HACD1: variants seen among roughly 807,000 people sequenced by gnomAD.
HACD1 encodes the protein very-long-chain (3R)-3-hydroxyacyl-CoA dehydratase 1.
Under a neutral mutation model 32.0 loss-of-function variants are expected in HACD1, and 41 were observed. The observed-to-expected ratio is 1.28, with a 90% CI of 1.00 to 1.66. The LOEUF is 1.66. Ranked by LOEUF, HACD1 falls within the 40% of genes most tolerant of loss-of-function variation. The pLI is 0.00. For synonymous variants in HACD1, 142 were observed against 139.0 expected (o/e 1.02, Z -0.15); for missense variants, 396 against 380.1 (o/e 1.04, Z -0.35).
chr10:17,602,081 T>C (rs1564507698), intron 4 of HACD1, among the ~76,000 whole-genome samples: 1 of 151,490 alleles, frequency 6.6e-6, no homozygotes, highest in Non-Finnish European at 1.5e-5. Flanking sequence ...AATTTTTTTT[T>C]TTTTTTGAGA....
chr10:17,603,524 G>T, intron 4 of HACD1, 36 bp downstream of exon 4: 2 of 1,509,562 alleles, frequency 1.3e-6, no homozygotes, highest in Non-Finnish European at 1.8e-6. Context: ...AAGCTTTCCT[G>T]CAGGCTCAAG....
intron 1 of HACD1, among the ~76,000 whole-genome samples, chr10:17,607,504 C>A (rs562165357): frequency 6.6e-6 from 1 of 152,162 alleles, no homozygotes; most frequent in Non-Finnish European, 1.5e-5. Flanking sequence ...TCACATTTTC[C>A]ATACACTTGT....
At position 17,590,444 on chromosome 10, in the gene HACD1, A is replaced by G; in HGVS notation, c.787T>C (p.Phe263Leu). ...LITMASYIPL[F>L]PQLYFHMLRQ... ...AACATATGAAAATAGAGTTGTGGAA[A>G]CACTTCATTGAAAAAGAAAACAAAG... The change falls in exon 7 of 7, where the codon TTT (phenylalanine) becomes CTT (leucine). Residue 263 changes from phenylalanine to leucine, a missense_variant and splice_region_variant. By Grantham distance (22) the Phe-to-Leu change is conservative. Transcript: ENST00000361271. The G allele has an allele frequency of 6.3e-7, 1 of 1,581,650 alleles. No homozygotes were observed. Among genetic ancestry groups the G allele is most frequent in the East Asian group, 2.2e-5 (1 of 44,454 alleles).
Position 17,590,970 on chromosome 10 carries a change from C to T in HACD1, c.785-524G>A, listed in dbSNP as rs189983130. 5.9e-3 allele frequency among the ~76,000 whole-genome samples: 898 copies of T among 152,256 alleles called. 4 individuals are homozygous for T. The highest frequency in any genetic ancestry group is 0.051 in the Middle Eastern group (15 of 294). ...GATTACAGGCATGAACCACTGCGCC[C>T]GGCCTATTTTTGCTTGTTTTTAACA... On this transcript the variant is annotated intron_variant, in intron 6 of 6. Transcript: ENST00000361271.
chr10:17,595,960 T>C (rs1833990476), intron 5 of HACD1, among the ~76,000 whole-genome samples: 1 of 152,038 alleles, frequency 6.6e-6, no homozygotes, highest in African/African-American at 2.4e-5. Flanking sequence ...TACTCCAGCC[T>C]GGGTGACACA....
chr10:17,612,394 ACATTCACTCATTCATT>A (rs1832997559), intron 1 of HACD1, among the ~76,000 whole-genome samples: 1 of 152,256 alleles, frequency 6.6e-6, no homozygotes, highest in Non-Finnish European at 1.5e-5. Flanking sequence ...ATGCTGTAAT[ACATTCACTCATTCATT>A]CATTCAAATA....
At position 17,594,380 on chromosome 10, in the gene HACD1, A is replaced by G. The variant is rs915534175; in HGVS notation, c.609T>C (p.Tyr203=). The G allele has an allele frequency of 4.1e-6, 6 of 1,461,480 alleles. No homozygotes were observed. In the African/African-American group the frequency reaches 7.1e-5, roughly 17 times the overall value. 90.5% of individuals were successfully genotyped at this position (1,461,480 alleles called of 1,614,324 possible). A position where few individuals can be genotyped will look rare whatever the true frequency, so the allele number is the denominator to read the frequency against. ...HLPYFIKWAR[Y]NFFIILYPVG... ...CAGGATATAAGATGATAAAAAAATT[A>G]TATCTGGAGAAAGAAAAACCTCAGA... The change falls in exon 6 of 7, where the codon TAT becomes TAC. Residue 203 remains tyrosine (Y), a synonymous_variant. Coordinates refer to ENST00000361271, the MANE Select transcript of HACD1 (RefSeq NM_014241.4).
chr10:17,596,188 T>A (rs1833993050), intron 5 of HACD1, among the ~76,000 whole-genome samples: 1 of 152,158 alleles, frequency 6.6e-6, no homozygotes, highest in Non-Finnish European at 1.5e-5. Flanking sequence ...TATTCCTGTA[T>A]GTCAAGGATA....
Position 17,591,976 on chromosome 10 carries a change from A to ATTTTTTTTTTTTTTTTTTTTT in HACD1, c.785-1551_785-1531dup, listed in dbSNP as rs71393019. 1.3e-4 allele frequency among the ~76,000 whole-genome samples: 13 copies of ATTTTTTTTTTTTTTTTTTTTT among 96,950 alleles called. 3 individuals carry two copies. The highest frequency in any genetic ancestry group is 4.9e-4 in the African/African-American group (11 of 22,298). 63.6% of individuals were successfully genotyped at this position (96,950 alleles called of 152,430 possible). On this transcript the variant is annotated intron_variant, in intron 6 of 6. Transcript: ENST00000361271. Reference sequence around the variant, plus strand: ...CCCTGCCTTAACTCACCAGCTACTGATTTTTTTTTTTTTTTTTTTTTTTGA... The same window carrying ATTTTTTTTTTTTTTTTTTTTT: ...CCCTGCCTTAACTCACCAGCTACTGATTTTTTTTTTTTTTTTTTTTTTTTTTTTTTTTTTTTTTTTTTTTGA...
At position 17,599,245 on chromosome 10, in the gene HACD1, A is replaced by G. The variant is rs782169649; in HGVS notation, c.605+45T>C. On this transcript the variant is annotated intron_variant, in intron 5 of 6. Transcript: ENST00000361271. ...TTCTCTGGCGTTAGCACACAAAATAAGCATGCACAGGACAAGGAGAAACTA... is the reference window on the plus strand; with the variant it reads ...TTCTCTGGCGTTAGCACACAAAATAGGCATGCACAGGACAAGGAGAAACTA... 1.3e-5 allele frequency: 21 copies of G among 1,604,672 alleles called. No individual in the cohort carries two copies. In the East Asian group the frequency reaches 4.5e-4, roughly 34 times the overall value.
intron 4 of HACD1, 47 bp from the exon 5 acceptor site, chr10:17,599,458 T>G: frequency 6.3e-7 from 1 of 1,577,322 alleles, no homozygotes; most frequent in Non-Finnish European, 8.6e-7. Context: ...TAGAACTTAC[T>G]TTTCAGTGAA....
At chr10:17,614,337 C>T (rs1260163367) in intron 1 of HACD1, among the ~76,000 whole-genome samples, 3 of 152,176 alleles carry the variant, frequency 2.0e-5, no homozygotes, top group Non-Finnish European at 4.4e-5. Flanking sequence ...GTGGCACGAT[C>T]TCTCAGCCTC....
At chr10:17,613,744 A>T in intron 1 of HACD1, among the ~76,000 whole-genome samples, 1 of 152,246 alleles carries the variant, frequency 6.6e-6, no homozygotes, top group East Asian at 1.9e-4. Flanking sequence ...GAATGGAGAA[A>T]GCATTTAATT....
chr10:17,597,676 G>T (rs1834012079), intron 5 of HACD1, among the ~76,000 whole-genome samples: 1 of 151,556 alleles, frequency 6.6e-6, no homozygotes, highest in African/African-American at 2.4e-5. Flanking sequence ...TTTCAAAGGT[G>T]CCAGAGGTCC....
In HACD1 at chr10:17,599,411, T is replaced by C; in HGVS notation, c.484A>G (p.Ile162Val). 1.2e-6 allele frequency: 2 copies of C among 1,612,446 alleles called. No individual in the cohort carries two copies. The highest frequency in any genetic ancestry group is 1.7e-6 in the Non-Finnish European group (2 of 1,179,652). ...VWLITHSIKP[I>V]QNEESVVLFL... The stretch of plus-strand genomic sequence containing the variant: ...AGCACCACACTCTCTTCATTCTGGA[T>C]CTGCAGAATTACAGAGAAACCCAGT... The change falls in exon 5 of 7, where the codon ATC becomes GTC. Residue 162 changes from isoleucine (I) to valine (V), a missense_variant and splice_region_variant. Physicochemically the swap from Ile to Val is conservative, Grantham distance 29 (BLOSUM62 3). Coordinates refer to ENST00000361271, the MANE Select transcript of HACD1 (RefSeq NM_014241.4).
At chr10:17,601,388 G>A (rs911674315) in intron 4 of HACD1, among the ~76,000 whole-genome samples, 1 of 152,086 alleles carries the variant, frequency 6.6e-6, no homozygotes, top group Non-Finnish European at 1.5e-5. Flanking sequence ...TGTAGAGAAC[G>A]CATTCAATAA....
chr10:17,592,835 C>G (rs563890424), intron 6 of HACD1, among the ~76,000 whole-genome samples: 1 of 152,278 alleles, frequency 6.6e-6, no homozygotes, highest in African/African-American at 2.4e-5. Flanking sequence ...CAGAATCAGG[C>G]TGAAGTGGTA....
At chr10:17,614,642 G>C (rs1248791947) in intron 1 of HACD1, among the ~76,000 whole-genome samples, 1 of 152,086 alleles carries the variant, frequency 6.6e-6, no homozygotes, top group Non-Finnish European at 1.5e-5. Flanking sequence ...TTTGAGCTTC[G>C]GGGTTGGGGC....
intron 6 of HACD1, among the ~76,000 whole-genome samples, chr10:17,592,235 G>T (rs980182386): frequency 5.9e-5 from 9 of 151,786 alleles, no homozygotes; most frequent in Non-Finnish European, 1.0e-4. Context: ...TCCCACCTTG[G>T]CCTCCCAAAG....
Sources: gnomAD v4.1 joint callset for allele counts (sites outside exome capture counted in the v4.1 genomes callset) on GRCh38, gnomAD v4.1.1 for gene constraint, MANE v1.5 for transcripts, NCBI Gene and HGNC (gene_info 2026-07-23, HGNC 2026-07-21) for gene names.